ACER3: variants seen among roughly 807,000 people sequenced by gnomAD.
ACER3 encodes the protein alkaline ceramidase 3, also known as alkCDase 3.
Under a neutral mutation model 48.9 loss-of-function variants are expected in ACER3, and 16 were observed. The observed-to-expected ratio is 0.33, with a 90% CI of 0.22 to 0.50. ACER3 has a LOEUF of 0.50. Ranked by LOEUF, ACER3 falls within the 20% of genes least tolerant of loss-of-function variation. The pLI is 0.98. For synonymous variants in ACER3, 109 were observed against 107.8 expected, an observed-to-expected ratio of 1.01 and a Z score of -0.07; for missense variants, 227 against 326.0, an observed-to-expected ratio of 0.70 and a Z score of 2.34.
At chr11:77,009,287 A>G (rs2135303541) in intron 7 of ACER3, among the ~76,000 whole-genome samples, 1 of 152,308 alleles carries the variant, frequency 6.6e-6, no homozygotes, top group East Asian at 1.9e-4. Context: ...GCAAAAGCAG[A>G]AGCAAGAGAG....
At chr11:76,924,759 A>C (rs1262192846) in intron 1 of ACER3, among the ~76,000 whole-genome samples, 3 of 152,096 alleles carry the variant, frequency 2.0e-5, no homozygotes, top group Non-Finnish European at 4.4e-5. Flanking sequence ...AATAATGTGC[A>C]CTGCTAAGCC....
chr11:76,877,763 C>G (rs1318039111), intron 1 of ACER3, among the ~76,000 whole-genome samples: 1 of 152,104 alleles, frequency 6.6e-6, no homozygotes, highest in Non-Finnish European at 1.5e-5. Context: ...CTTCCCTGAT[C>G]CCATCTTCTT....
At chr11:76,934,067 G>A (rs1446631925) in intron 2 of ACER3, among the ~76,000 whole-genome samples, 27 of 151,162 alleles carry the variant, frequency 1.8e-4, no homozygotes, top group Non-Finnish European at 8.9e-5. Flanking sequence ...GGGCAGAGAC[G>A]CTCCTCACTT....
At chr11:76,919,887 T>C (rs999761994) in intron 1 of ACER3, among the ~76,000 whole-genome samples, 1 of 152,214 alleles carries the variant, frequency 6.6e-6, no homozygotes, top group African/African-American at 2.4e-5. Context: ...CAAGTCATGA[T>C]TGATGAAAAC....
In ACER3 at chr11:76,860,988, C is replaced by T; in HGVS notation, c.12C>T (p.Ala4=). The change falls in exon 1 of 11, where the codon GCC becomes GCT. Residue 4 remains alanine (A), a synonymous_variant. Transcript: ENST00000532485. ...GCGGCGGCGGCGTGATGGCTCCGGC[C>T]GCGGACCGAGAGGGCTACTGGGGCC... MAP[A]ADREGYWGPT... The T allele has an allele frequency of 8.4e-6, 13 of 1,539,104 alleles. No individual in the cohort carries two copies. Among genetic ancestry groups the T allele is most frequent in the South Asian group, 1.2e-5 (1 of 83,336 alleles).
intron 1 of ACER3, among the ~76,000 whole-genome samples, chr11:76,861,953 T>G (rs941433780): frequency 1.3e-5 from 2 of 152,248 alleles, no homozygotes; most frequent in Non-Finnish European, 2.9e-5. Flanking sequence ...TATGTGGGTG[T>G]CTGTCTGTTT....
At chr11:76,978,204 AAG>A (rs1195969248) in intron 4 of ACER3, among the ~76,000 whole-genome samples, 2 of 152,168 alleles carry the variant, frequency 1.3e-5, no homozygotes, top group East Asian at 3.9e-4. Flanking sequence ...CTCCACCTTC[AAG>A]CCGGGGACAG....
intron 3 of ACER3, among the ~76,000 whole-genome samples, chr11:76,960,652 A>G (rs770010696): frequency 2.6e-5 from 4 of 152,182 alleles, no homozygotes; most frequent in African/African-American, 7.2e-5. Context: ...GGGACCATCC[A>G]TCACAGAACT....
At chr11:76,903,840 T>C (rs1038104646) in intron 1 of ACER3, among the ~76,000 whole-genome samples, 2 of 152,158 alleles carry the variant, frequency 1.3e-5, no homozygotes, top group African/African-American at 4.8e-5. Flanking sequence ...CCTTTCAAGG[T>C]CTTTTCCTGA....
intron 4 of ACER3, among the ~76,000 whole-genome samples, chr11:76,979,908 G>A (rs937836483): frequency 3.9e-5 from 6 of 151,974 alleles, no homozygotes; most frequent in Non-Finnish European, 8.8e-5. Context: ...GGAGGCCAAG[G>A]TGGGAGGATC....
At chr11:76,959,511 T>G (rs992905090) in intron 3 of ACER3, among the ~76,000 whole-genome samples, 1 of 152,188 alleles carries the variant, frequency 6.6e-6, no homozygotes, top group Non-Finnish European at 1.5e-5. Context: ...ATAAACTTTC[T>G]TAAAACATTA....
intron 8 of ACER3, among the ~76,000 whole-genome samples, chr11:77,015,879 G>A (rs1949356265): frequency 6.6e-6 from 1 of 152,148 alleles, no homozygotes; most frequent in African/African-American, 2.4e-5. Flanking sequence ...AGGCCGAGGG[G>A]GCGGATCACT....
At chr11:76,997,004 G>C (rs1387048279) in intron 6 of ACER3, among the ~76,000 whole-genome samples, 1 of 152,158 alleles carries the variant, frequency 6.6e-6, no homozygotes, top group Non-Finnish European at 1.5e-5. Flanking sequence ...GGGATTACAG[G>C]CGTGAGCCAC....
chr11:76,915,542 C>A (rs552768224), intron 1 of ACER3, among the ~76,000 whole-genome samples: 3 of 152,108 alleles, frequency 2.0e-5, no homozygotes, highest in Admixed American at 2.0e-4. Flanking sequence ...AGAGGCAATG[C>A]GATAATTGCT....
At chr11:76,881,583 G>A (rs1945528673) in intron 1 of ACER3, among the ~76,000 whole-genome samples, 2 of 152,078 alleles carry the variant, frequency 1.3e-5, no homozygotes. Context: ...GTAGAAGCTT[G>A]CACAATAAGG....
At chr11:76,958,289 C>T (rs770594814) in intron 2 of ACER3, among the ~76,000 whole-genome samples, 7 of 149,138 alleles carry the variant, frequency 4.7e-5, no homozygotes, top group South Asian at 2.1e-4. Flanking sequence ...TGGGTTCAAA[C>T]GATTCTCTTG....
intron 7 of ACER3, among the ~76,000 whole-genome samples, chr11:77,012,575 C>T (rs563369240): frequency 4.7e-4 from 71 of 152,064 alleles, no homozygotes; most frequent in Non-Finnish European, 8.7e-4. Flanking sequence ...CATTAAAATA[C>T]CTTAAATGTT....
At chr11:76,922,565 G>A (rs1211196513) in intron 1 of ACER3, among the ~76,000 whole-genome samples, 1 of 151,968 alleles carries the variant, frequency 6.6e-6, no homozygotes, top group East Asian at 1.9e-4. Context: ...TGTACAGTTT[G>A]GAAGTCATTT....
chr11:76,904,069 C>T lies in ACER3; in HGVS notation c.104-22488C>T, dbSNP rs150787941. 3.6e-3 allele frequency among the ~76,000 whole-genome samples: 550 copies of T among 152,274 alleles called. 3 individuals are homozygous for T. Among genetic ancestry groups the T allele is most frequent in the East Asian group, 8.1e-3 (42 of 5,176 alleles). Reference sequence around the variant, plus strand: ...TGGTGCAATTTTGGCTCACTGCAACCTCAGCCTCGTGGGTTCAAGTGATTC... The same window carrying T: ...TGGTGCAATTTTGGCTCACTGCAACTTCAGCCTCGTGGGTTCAAGTGATTC... On this transcript the variant is annotated intron_variant, in intron 1 of 10. Coordinates refer to ENST00000532485, the MANE Select transcript of ACER3 (RefSeq NM_018367.7).
Sources: gnomAD v4.1 joint callset for allele counts (sites outside exome capture counted in the v4.1 genomes callset) on GRCh38, gnomAD v4.1.1 for gene constraint, MANE v1.5 for transcripts, NCBI Gene and HGNC (gene_info 2026-07-23, HGNC 2026-07-21) for gene names.